The following CLXN variants were observed in gnomAD, a reference collection of about 807,000 sequenced individuals.
CLXN encodes the protein EF-hand calcium binding domain 1.
chr8:48,725,710 A>C, the CLXN span, among the ~76,000 whole-genome samples: 1 of 152,176 alleles, frequency 6.6e-6, no homozygotes, highest in Non-Finnish European at 1.5e-5. Flanking sequence ...AGGCTGAGGC[A>C]GGAGAATCAC....
At chr8:48,729,955 T>C in the CLXN span, 40 of 1,336,310 alleles carry the variant, frequency 3.0e-5, no homozygotes, top group Non-Finnish European at 3.5e-5. Flanking sequence ...GGCCAAGTTC[T>C]ATCTTGATGC....
the CLXN span, among the ~76,000 whole-genome samples, chr8:48,733,434 C>T: frequency 6.6e-6 from 1 of 152,290 alleles, no homozygotes; most frequent in African/African-American, 2.4e-5. Flanking sequence ...ATGTGTCCTG[C>T]AGAACATATC....
At chr8:48,720,474 A>G in the CLXN span, among the ~76,000 whole-genome samples, 1 of 152,104 alleles carries the variant, frequency 6.6e-6, no homozygotes, top group Non-Finnish European at 1.5e-5. Flanking sequence ...ACTGAGATAC[A>G]CCCTGGTCTC....
chr8:48,728,929 G>T, the CLXN span: 3 of 644,796 alleles, frequency 4.7e-6, no homozygotes, highest in Admixed American at 1.0e-4. Context: ...TATTTAAAAG[G>T]TATTCTTTCT....
At chr8:48,727,285 C>T in the CLXN span, among the ~76,000 whole-genome samples, 1 of 151,684 alleles carries the variant, frequency 6.6e-6, no homozygotes, top group Non-Finnish European at 1.5e-5. Context: ...ACACCATGTG[C>T]TACACACAGG....
chr8:48,731,391 C>A, the CLXN span: 1 of 1,613,134 alleles, frequency 6.2e-7, no homozygotes, highest in South Asian at 1.1e-5. Flanking sequence ...ATGTCACATG[C>A]AGGATGTTTC....
At chr8:48,735,085 C>G in the CLXN span, 1 of 1,614,176 alleles carries the variant, frequency 6.2e-7, no homozygotes, top group African/African-American at 1.3e-5. Context: ...GCACTACATT[C>G]TTACTTACAA....
the CLXN span, chr8:48,712,394 GACAATCTCTC>G: frequency 6.6e-6 from 1 of 152,382 alleles, no homozygotes; most frequent in East Asian, 1.9e-4. Context: ...CCTCCACGCT[GACAATCTCTC>G]ACCCCAGGGA....
chr8:48,711,047 G>A, the CLXN span: 9 of 152,156 alleles, frequency 5.9e-5, no homozygotes, highest in Non-Finnish European at 1.2e-4. Flanking sequence ...GTGACAGTAA[G>A]AGGCAGTCAG....
chr8:48,727,042 T>C, the CLXN span, among the ~76,000 whole-genome samples: 1 of 142,994 alleles, frequency 7.0e-6, no homozygotes, highest in African/African-American at 2.7e-5. Context: ...CATTCATCCA[T>C]CCACACACCC....
the CLXN span, chr8:48,729,112 T>A: frequency 6.2e-7 from 1 of 1,613,602 alleles, no homozygotes; most frequent in Non-Finnish European, 8.5e-7. Flanking sequence ...CAGTTCATAG[T>A]CTGCAAAAGA....
the CLXN span, among the ~76,000 whole-genome samples, chr8:48,727,897 A>T: frequency 6.6e-6 from 1 of 152,162 alleles, no homozygotes; most frequent in Non-Finnish European, 1.5e-5. Flanking sequence ...AGGTGTAGCT[A>T]ACAGTGTTAA....
chr8:48,714,109 A>G, the CLXN span: 1 of 152,222 alleles, frequency 6.6e-6, no homozygotes, highest in African/African-American at 2.4e-5. Context: ...GGCAAAGACC[A>G]AGGTCAGTCA....
At chr8:48,720,549 C>T in the CLXN span, among the ~76,000 whole-genome samples, 2 of 152,236 alleles carry the variant, frequency 1.3e-5, no homozygotes, top group East Asian at 1.9e-4. Flanking sequence ...TGTGGTCAGA[C>T]GGGTTCTCTG....
At chr8:48,724,433 ATCTC>A in the CLXN span, 2 of 209,470 alleles carry the variant, frequency 9.5e-6, no homozygotes, top group Admixed American at 5.9e-5. Flanking sequence ...TAATTATGTA[ATCTC>A]TCTATTCATT....
the CLXN span, among the ~76,000 whole-genome samples, chr8:48,722,923 T>C: frequency 6.6e-6 from 1 of 152,070 alleles, no homozygotes; most frequent in Non-Finnish European, 1.5e-5. Context: ...TTCTCACTTA[T>C]AAGAGGGACC....
At chr8:48,723,536 C>A in the CLXN span, 2 of 152,186 alleles carry the variant, frequency 1.3e-5, no homozygotes, top group Admixed American at 1.3e-4. Flanking sequence ...ACTAGCCTCT[C>A]AGTATTTAGA....
At chr8:48,734,648 T>C in the CLXN span, 1 of 156,390 alleles carries the variant, frequency 6.4e-6, no homozygotes, top group Admixed American at 6.4e-5. Context: ...CACCGTTTTC[T>C]CCTATGGGTC....
the CLXN span, among the ~76,000 whole-genome samples, chr8:48,726,175 CCATCCATCCACT>C: frequency 1.4e-5 from 2 of 144,296 alleles, no homozygotes; most frequent in South Asian, 2.4e-4. Flanking sequence ...CCCCATCCAC[CCATCCATCCACT>C]CATCCATCCA....
Sources: gnomAD v4.1 joint callset for allele counts (sites outside exome capture counted in the v4.1 genomes callset) on GRCh38, gnomAD v4.1.1 for gene constraint, MANE v1.5 for transcripts, NCBI Gene and HGNC (gene_info 2026-07-23, HGNC 2026-07-21) for gene names.